Variants in CELF2 observed in about 807,000 individuals in gnomAD.
CELF2 encodes the protein CUG triplet repeat RNA-binding protein 2.
CELF2 carries 8 observed loss-of-function variants against 62.6 expected under a neutral mutation model. That is an observed-to-expected ratio of 0.13 (90% CI 0.07 to 0.23). The LOEUF (loss-of-function observed/expected upper bound fraction) is 0.23. Among genes scored for constraint, CELF2 ranks in the 10% least tolerant of loss-of-function variants. The pLI is 1.00. For missense variants in CELF2, 333 were observed against 671.0 expected (o/e 0.50, Z 5.56); for synonymous variants, 258 against 250.0 (o/e 1.03, Z -0.30).
At chr10:10,926,923 C>A (rs1185425505) in intron 2 of CELF2, 2 of 152,244 alleles carry the variant, frequency 1.3e-5, no homozygotes, top group African/African-American at 4.8e-5. Flanking sequence ...CTAGGGACAA[C>A]TTCCTCCTCC....
chr10:10,490,930 A>G, the CELF2 span, among the ~76,000 whole-genome samples: 1 of 152,210 alleles, frequency 6.6e-6, no homozygotes, highest in Admixed American at 6.5e-5. Flanking sequence ...CAAACTACAA[A>G]TGAGAAGGTC....
At chr10:10,902,112 T>C (rs2062978692) in intron 1 of CELF2, among the ~76,000 whole-genome samples, 1 of 152,206 alleles carries the variant, frequency 6.6e-6, no homozygotes, top group Admixed American at 6.5e-5. Flanking sequence ...TCTCATATAC[T>C]CTCAGACACT....
At chr10:10,903,328 C>T (rs2063085810) in intron 1 of CELF2, among the ~76,000 whole-genome samples, 1 of 152,180 alleles carries the variant, frequency 6.6e-6, no homozygotes, top group East Asian at 1.9e-4. Flanking sequence ...GATGGCTATA[C>T]ATACAACTCA....
chr10:10,683,124 T>C, the CELF2 span, among the ~76,000 whole-genome samples: 21 of 152,190 alleles, frequency 1.4e-4, no homozygotes, highest in Admixed American at 1.4e-3. Context: ...CGGGACATTT[T>C]CCCTACTATA....
At chr10:11,024,856 CAT>C (rs2058884039) in intron 1 of CELF2, among the ~76,000 whole-genome samples, 1 of 152,178 alleles carries the variant, frequency 6.6e-6, no homozygotes, top group African/African-American at 2.4e-5. Context: ...CACATCTTGA[CAT>C]AGCTTTTGGA....
the CELF2 span, among the ~76,000 whole-genome samples, chr10:10,560,346 T>C: frequency 6.6e-6 from 1 of 152,218 alleles, no homozygotes. Flanking sequence ...TGTGACAATA[T>C]TATGGATGGC....
At chr10:10,962,388 T>A (rs539226064) in intron 2 of CELF2, among the ~76,000 whole-genome samples, 3 of 152,334 alleles carry the variant, frequency 2.0e-5, no homozygotes, top group Admixed American at 6.5e-5. Context: ...CCTAAGGGGC[T>A]TTTGTGCTTG....
At chr10:10,774,889 T>TA in the CELF2 span, among the ~76,000 whole-genome samples, 374 of 150,096 alleles carry the variant, frequency 2.5e-3, 2 homozygotes, top group African/African-American at 8.6e-3. Flanking sequence ...ATTTATTTTT[T>TA]TTTTTTTGAG....
At chr10:10,919,119 A>G (rs1263231320) in intron 1 of CELF2, among the ~76,000 whole-genome samples, 1 of 152,128 alleles carries the variant, frequency 6.6e-6, no homozygotes, top group African/African-American at 2.4e-5. Context: ...AAAATACAAA[A>G]GTTAGCTGCA....
At chr10:10,684,758 A>C in the CELF2 span, among the ~76,000 whole-genome samples, 35 of 152,230 alleles carry the variant, frequency 2.3e-4, no homozygotes, top group East Asian at 1.5e-3. Flanking sequence ...ACAACAACAA[A>C]AAATTGCAAC....
At chr10:11,218,338 AAGAT>A (rs1431900762) in intron 3 of CELF2, among the ~76,000 whole-genome samples, 3 of 152,350 alleles carry the variant, frequency 2.0e-5, no homozygotes, top group African/African-American at 7.2e-5. Context: ...GAATAAAAGA[AAGAT>A]AAGGTAATGT....
At chr10:11,079,166 A>G (rs191763456) in intron 1 of CELF2, among the ~76,000 whole-genome samples, 2 of 152,320 alleles carry the variant, frequency 1.3e-5, no homozygotes, top group Admixed American at 6.5e-5. Flanking sequence ...AAAACGTTCT[A>G]AAACTTACTG....
the CELF2 span, among the ~76,000 whole-genome samples, chr10:10,667,481 C>T: frequency 1.3e-5 from 2 of 152,212 alleles, no homozygotes; most frequent in Non-Finnish European, 1.5e-5. Context: ...ACAGGAATAG[C>T]TGCCAGGCTG....
the CELF2 span, among the ~76,000 whole-genome samples, chr10:10,666,743 T>C: frequency 1.7e-5 from 2 of 121,020 alleles, no homozygotes; most frequent in African/African-American, 7.0e-5. Context: ...GCGCCTGTAG[T>C]CCCAGCTACT....
chr10:11,171,691 A>AGCG (rs1393625080), intron 2 of CELF2, among the ~76,000 whole-genome samples: 1 of 152,206 alleles, frequency 6.6e-6, no homozygotes, highest in Non-Finnish European at 1.5e-5. Context: ...TATCATGACC[A>AGCG]GCTCATGCAG....
the CELF2 span, among the ~76,000 whole-genome samples, chr10:10,761,119 T>A: frequency 6.6e-6 from 1 of 152,154 alleles, no homozygotes; most frequent in Non-Finnish European, 1.5e-5. Context: ...TCTTGATGAC[T>A]TGAATTAAGT....
chr10:11,233,947 A>T (rs185811195), intron 3 of CELF2, among the ~76,000 whole-genome samples: 3 of 152,370 alleles, frequency 2.0e-5, no homozygotes, highest in Non-Finnish European at 2.9e-5. Flanking sequence ...CTACACCCAC[A>T]GGCATATGTG....
intron 1 of CELF2, among the ~76,000 whole-genome samples, chr10:10,883,712 G>T (rs1379050947): frequency 6.6e-6 from 1 of 152,124 alleles, no homozygotes; most frequent in Non-Finnish European, 1.5e-5. Context: ...TCATCTCAAG[G>T]GTGGAAAGTT....
At chr10:10,506,403 G>C in the CELF2 span, among the ~76,000 whole-genome samples, 1 of 151,780 alleles carries the variant, frequency 6.6e-6, no homozygotes, top group African/African-American at 2.4e-5. Context: ...GTCCTAAAAA[G>C]GCTAATATTT....
Sources: allele counts gnomAD v4.1 joint callset (sites outside exome capture counted in the v4.1 genomes callset), GRCh38; gene constraint gnomAD v4.1.1; transcripts MANE v1.5; gene names NCBI Gene and HGNC (gene_info 2026-07-23, HGNC 2026-07-21).